MED12L: variants seen among roughly 807,000 people sequenced by gnomAD.
The protein encoded by MED12L is mediator of RNA polymerase II transcription subunit 12-like protein.
In MED12L, 60 loss-of-function variants were observed where a neutral mutation model predicts 281.3. The observed-to-expected ratio is 0.21, with a 90% CI of 0.17 to 0.26. The LOEUF (loss-of-function observed/expected upper bound fraction) is 0.26. Ranked by LOEUF, MED12L falls within the 10% of genes least tolerant of loss-of-function variation. The pLI, the probability that MED12L is intolerant of heterozygous loss-of-function variation, is 1.00. For synonymous variants in MED12L, 974 were observed against 987.2 expected (o/e 0.99, Z 0.25); for missense variants, 2,146 against 2,680.9 (o/e 0.80, Z 4.41).
chr3:151,113,745 G>T (rs148585016), intron 2 of MED12L, among the ~76,000 whole-genome samples: 1 of 152,294 alleles, frequency 6.6e-6, no homozygotes, highest in Admixed American at 6.5e-5. Context: ...TGTATCCATT[G>T]TTCCATGTTC....
At chr3:151,355,058 C>T (rs1443034699) in intron 17 of MED12L, 63 bp from the exon 18 acceptor site, 1 of 1,165,112 alleles carries the variant, frequency 8.6e-7, no homozygotes, top group Non-Finnish European at 1.3e-6. Context: ...AAAAAGTATC[C>T]ATTAAAAATG....
chr3:151,195,713 A>G (rs1020234333), intron 16 of MED12L, among the ~76,000 whole-genome samples: 64 of 152,336 alleles, frequency 4.2e-4, no homozygotes, highest in African/African-American at 1.5e-3. Flanking sequence ...GGGAGACAAT[A>G]TTAACGTCCG....
At chr3:151,366,459 G>A (rs1577455933) in intron 23 of MED12L, among the ~76,000 whole-genome samples, 1 of 152,306 alleles carries the variant, frequency 6.6e-6, no homozygotes, top group South Asian at 2.1e-4. Context: ...TAGATTCCGA[G>A]GATGTCCGGT....
chr3:151,154,259 C>A (rs116012751), intron 5 of MED12L, among the ~76,000 whole-genome samples: 12 of 152,188 alleles, frequency 7.9e-5, no homozygotes, highest in Non-Finnish European at 1.3e-4. Flanking sequence ...ACACTTAAAG[C>A]ACAGGGTTAA....
chr3:151,285,051 CA>C (rs1048277431), intron 16 of MED12L, among the ~76,000 whole-genome samples: 3 of 152,130 alleles, frequency 2.0e-5, no homozygotes, highest in African/African-American at 7.2e-5. Context: ...TAAAAAGAAA[CA>C]AAATAATGGC....
Position 151,242,522 on chromosome 3 carries a change from A to C in MED12L, c.2250+48856A>C, listed in dbSNP as rs528905026. 3.1e-3 allele frequency among the ~76,000 whole-genome samples: 466 copies of C among 149,958 alleles called. 4 individuals carry two copies. The highest frequency in any genetic ancestry group is 0.011 in the African/African-American group (442 of 40,838). On this transcript the variant is annotated intron_variant, in intron 16 of 44. Coordinates refer to ENST00000687756, the MANE Select transcript of MED12L (RefSeq NM_001393769.1). ...GCAGGGGCACACTGACACCTCACAC[A>C]GCAGGGTATTCCAACAGACCTGCAG...
At chr3:151,283,162 A>G (rs139773624) in intron 16 of MED12L, among the ~76,000 whole-genome samples, 1 of 152,340 alleles carries the variant, frequency 6.6e-6, no homozygotes, top group East Asian at 1.9e-4. Context: ...AAAAAAATTA[A>G]TAGGTGCAAT....
chr3:151,365,982 C>T lies in MED12L; in HGVS notation c.3318C>T (p.Cys1106=), dbSNP rs1435111692. The change falls in exon 23 of 45, where the codon TGC becomes TGT. Residue 1106 remains cysteine, a synonymous_variant. Transcript: ENST00000687756. The part of the protein sequence containing the change: ...NHVWGFNDVL[C]TVDVSDLSFH... ...TGTGGGGGTTTAATGATGTACTTTG[C>T]ACTGTAGATGTAAGTTTTCTTTTTC... 3.8e-6 allele frequency: 6 copies of T among 1,585,304 alleles called. No homozygotes were observed. The East Asian group carries it at 1.3e-4, about 36-fold the overall frequency.
At chr3:151,328,451 C>A (rs921654890) in intron 16 of MED12L, 4 of 1,613,718 alleles carry the variant, frequency 2.5e-6, no homozygotes, top group Non-Finnish European at 3.4e-6. Flanking sequence ...CCATTTCAGC[C>A]CCAGAGGCCC....
chr3:151,128,023 T>G (rs1291303168), intron 5 of MED12L, 39 bp downstream of exon 5: 1 of 1,567,524 alleles, frequency 6.4e-7, no homozygotes. Context: ...ATTTCATTAT[T>G]GATTTTGCAA....
At chr3:151,376,679 TA>T in intron 28 of MED12L, 120 bp from the exon 29 acceptor site, 1 of 810,272 alleles carries the variant, frequency 1.2e-6, no homozygotes. Context: ...TTGACTCATA[TA>T]AATTATTTCA....
chr3:151,305,730 G>T (rs1279061833), intron 16 of MED12L, among the ~76,000 whole-genome samples: 2 of 152,062 alleles, frequency 1.3e-5, no homozygotes, highest in East Asian at 3.9e-4. Context: ...GGTTATTTTA[G>T]AGGACAGGAA....
At chr3:151,428,334 A>G (rs1460940187) in intron 43 of MED12L, among the ~76,000 whole-genome samples, 1 of 152,284 alleles carries the variant, frequency 6.6e-6, no homozygotes, top group Non-Finnish European at 1.5e-5. Flanking sequence ...TAACATTTCC[A>G]TATAAATGAA....
chr3:151,283,712 A>G (rs1349869413), intron 16 of MED12L, among the ~76,000 whole-genome samples: 1 of 152,252 alleles, frequency 6.6e-6, no homozygotes, highest in Admixed American at 6.5e-5. Context: ...TAACCAAAAT[A>G]TGGGGAAGAC....
intron 16 of MED12L, among the ~76,000 whole-genome samples, chr3:151,290,917 A>G (rs188054438): frequency 3.3e-5 from 5 of 152,298 alleles, no homozygotes; most frequent in Admixed American, 1.3e-4. Context: ...TTCTGCATCT[A>G]CTATGATACT....
chr3:151,318,015 T>G (rs1479960229), intron 16 of MED12L, among the ~76,000 whole-genome samples: 1 of 152,144 alleles, frequency 6.6e-6, no homozygotes, highest in Non-Finnish European at 1.5e-5. Context: ...TTTCCTTATG[T>G]TTTTACAGAA....
chr3:151,425,131 A>G (rs917101940), intron 43 of MED12L, among the ~76,000 whole-genome samples: 4 of 152,364 alleles, frequency 2.6e-5, no homozygotes, highest in South Asian at 2.1e-4. Context: ...AACACAATTC[A>G]GGAGGCAAGG....
At chr3:151,209,579 C>T (rs914972301) in intron 16 of MED12L, among the ~76,000 whole-genome samples, 1 of 152,070 alleles carries the variant, frequency 6.6e-6, no homozygotes, top group Non-Finnish European at 1.5e-5. Flanking sequence ...AACACACAAA[C>T]CCTCACAGTG....
chr3:151,101,908 G>T (rs1721440797), intron 2 of MED12L, among the ~76,000 whole-genome samples: 1 of 152,214 alleles, frequency 6.6e-6, no homozygotes, highest in African/African-American at 2.4e-5. Flanking sequence ...GTTGGTGACA[G>T]ATTGGTCAAA....
Sources: gnomAD v4.1 joint callset for allele counts (sites outside exome capture counted in the v4.1 genomes callset) on GRCh38, gnomAD v4.1.1 for gene constraint, MANE v1.5 for transcripts, NCBI Gene and HGNC (gene_info 2026-07-23, HGNC 2026-07-21) for gene names.